The following MALRD1 variants were observed in gnomAD, a reference collection of about 807,000 sequenced individuals.
The protein encoded by MALRD1 is MAM and LDL-receptor class A domain-containing protein 1.
In MALRD1, 247 loss-of-function variants were observed where a neutral mutation model predicts 242.1. That is an observed-to-expected ratio of 1.02 (90% CI 0.92 to 1.13). MALRD1 has a LOEUF of 1.13. Among genes scored for constraint, MALRD1 ranks in the 50% most tolerant of loss-of-function variants. The pLI, the probability that MALRD1 is intolerant of heterozygous loss-of-function variation, is 0.00. For missense variants in MALRD1, 2,989 were observed against 2,533.1 expected (o/e 1.18, Z -3.86); for synonymous variants, 995 against 866.6 (o/e 1.15, Z -2.60).
chr10:19,530,207 C>T (rs935613101), intron 31 of MALRD1, among the ~76,000 whole-genome samples: 4 of 150,510 alleles, frequency 2.7e-5, no homozygotes, highest in Non-Finnish European at 5.9e-5. Context: ...TATGAGGACA[C>T]AGGAAACTCT....
chr10:19,486,740 T>C (rs1455808378), intron 29 of MALRD1, among the ~76,000 whole-genome samples: 2 of 152,146 alleles, frequency 1.3e-5, no homozygotes, highest in Non-Finnish European at 2.9e-5. Flanking sequence ...TTCATAAATA[T>C]TATCTATATA....
intron 24 of MALRD1, among the ~76,000 whole-genome samples, chr10:19,345,478 A>G (rs1353035692): frequency 6.6e-6 from 1 of 151,802 alleles, no homozygotes; most frequent in Non-Finnish European, 1.5e-5. Context: ...CCTGACATCT[A>G]CTCCCCAGTC....
At chr10:19,178,612 C>T (rs1242834351) in intron 14 of MALRD1, among the ~76,000 whole-genome samples, 1 of 152,190 alleles carries the variant, frequency 6.6e-6, no homozygotes. Context: ...TTGATTTGGC[C>T]TTTAATCAAG....
chr10:19,352,817 C>T (rs1844451012), intron 26 of MALRD1, among the ~76,000 whole-genome samples: 1 of 152,142 alleles, frequency 6.6e-6, no homozygotes, highest in Admixed American at 6.5e-5. Context: ...AAGAATTTTA[C>T]TCAAATGTTG....
At chr10:19,387,298 C>CTTTT (rs36070001) in intron 26 of MALRD1, among the ~76,000 whole-genome samples, 1 of 143,258 alleles carries the variant, frequency 7.0e-6, no homozygotes, top group Non-Finnish European at 1.5e-5. Flanking sequence ...TAAAGTGATG[C>CTTTT]TTTTTTTTTT....
At chr10:19,635,446 A>G (rs1266498313) in intron 36 of MALRD1, among the ~76,000 whole-genome samples, 1 of 152,196 alleles carries the variant, frequency 6.6e-6, no homozygotes, top group Non-Finnish European at 1.5e-5. Flanking sequence ...AAAATTAGGC[A>G]TAAAAACTAG....
At chr10:19,175,183 C>A in intron 13 of MALRD1, 25 bp from the exon 14 acceptor site, 1 of 1,222,250 alleles carries the variant, frequency 8.2e-7, no homozygotes, top group Non-Finnish European at 1.0e-6. Context: ...GTGTTTTTAA[C>A]AGTTTTATCT....
intron 18 of MALRD1, among the ~76,000 whole-genome samples, chr10:19,217,223 A>G (rs564506635): frequency 1.3e-5 from 2 of 152,242 alleles, no homozygotes; most frequent in African/African-American, 2.4e-5. Context: ...GATTTATGGA[A>G]TAAAGTCAAA....
intron 2 of MALRD1, among the ~76,000 whole-genome samples, chr10:19,086,486 T>C (rs186202253): frequency 3.5e-4 from 54 of 152,190 alleles, no homozygotes; most frequent in Admixed American, 1.0e-3. Context: ...GCCCAGGGAA[T>C]GCTCAACATT....
chr10:19,612,861 T>C (rs1452669802), intron 35 of MALRD1, among the ~76,000 whole-genome samples: 1 of 151,972 alleles, frequency 6.6e-6, no homozygotes, highest in South Asian at 2.1e-4. Context: ...ACCACTCCCA[T>C]GATCCAGTCA....
At chr10:19,463,590 G>GTGTA (rs1836059180) in intron 29 of MALRD1, among the ~76,000 whole-genome samples, 1 of 151,412 alleles carries the variant, frequency 6.6e-6, no homozygotes, top group African/African-American at 2.4e-5. Flanking sequence ...GTGTGTGTGT[G>GTGTA]TATATACTCT....
At chr10:19,308,049 T>C (rs1842288120) in intron 21 of MALRD1, among the ~76,000 whole-genome samples, 1 of 151,596 alleles carries the variant, frequency 6.6e-6, no homozygotes, top group Admixed American at 6.6e-5. Context: ...TACATTCTTT[T>C]AGTTATTTTA....
chr10:19,404,443 T>G (rs1847000908), intron 28 of MALRD1, among the ~76,000 whole-genome samples: 1 of 152,134 alleles, frequency 6.6e-6, no homozygotes, highest in Non-Finnish European at 1.5e-5. Flanking sequence ...TATTTCATAT[T>G]AGAAGTTTCT....
At chr10:19,148,353 A>G (rs1172515791) in intron 11 of MALRD1, among the ~76,000 whole-genome samples, 1 of 152,064 alleles carries the variant, frequency 6.6e-6, no homozygotes, top group African/African-American at 2.4e-5. Flanking sequence ...AGGGTGCTTC[A>G]GTTTTATTAG....
At chr10:19,677,201 A>C (rs533288210) in intron 36 of MALRD1, among the ~76,000 whole-genome samples, 27 of 152,296 alleles carry the variant, frequency 1.8e-4, no homozygotes, top group African/African-American at 6.3e-4. Context: ...TTGCTGGGTA[A>C]AATGGTATTT....
intron 38 of MALRD1, among the ~76,000 whole-genome samples, chr10:19,714,406 T>C (rs1181059348): frequency 6.6e-6 from 1 of 152,060 alleles, no homozygotes; most frequent in African/African-American, 2.4e-5. Context: ...CTGATGTCTG[T>C]TTGGGTGTTC....
chr10:19,123,808 T>C (rs1419875026), intron 6 of MALRD1, among the ~76,000 whole-genome samples: 1 of 152,170 alleles, frequency 6.6e-6, no homozygotes, highest in African/African-American at 2.4e-5. Context: ...TGGAATGATA[T>C]GCAATGTTTC....
In MALRD1 at chr10:19,491,525, A is replaced by G; in HGVS notation, c.5038A>G (p.Ile1680Val). ...EFKNCTTVGE[I>V]SELCPEITDF... ...TTTTTGTTTTTCCCTAGTGGGAGAG[A>G]TCTCTGAGCTTTGTCCGGAAATCAC... The change falls in exon 30 of 40, where the codon ATC becomes GTC. Residue 1680 changes from isoleucine (I) to valine (V), a missense_variant. Transcript: ENST00000454679. 6.5e-7 allele frequency: 1 copy of G among 1,549,834 alleles called. No homozygotes were observed. The highest frequency in any genetic ancestry group is 8.7e-7 in the Non-Finnish European group (1 of 1,146,732).
chr10:19,277,174 C>G (rs575804808), intron 19 of MALRD1, among the ~76,000 whole-genome samples: 9 of 152,228 alleles, frequency 5.9e-5, no homozygotes, highest in African/African-American at 2.2e-4. Flanking sequence ...GATCCACCTG[C>G]CTTAGCCTCC....
Sources: gnomAD v4.1 joint callset for allele counts (sites outside exome capture counted in the v4.1 genomes callset) on GRCh38, gnomAD v4.1.1 for gene constraint, MANE v1.5 for transcripts, NCBI Gene and HGNC (gene_info 2026-07-23, HGNC 2026-07-21) for gene names.